Variants in RELN observed in about 807,000 individuals in gnomAD.
RELN encodes reelin.
RELN carries 108 observed loss-of-function variants against 427.6 expected under a neutral mutation model. The ratio of observed to expected loss-of-function variants is 0.25; its 90% CI spans 0.22 to 0.30. RELN has a LOEUF of 0.30. RELN is among the 10% of genes least tolerant of loss of function. The probability of loss-of-function intolerance (pLI) is 1.00; values close to 1 mark genes in which losing one functional copy is unlikely to be tolerated. For missense variants in RELN, 3,715 were observed against 4,302.8 expected, an observed-to-expected ratio of 0.86 and a Z score of 3.82; for synonymous variants, 1,524 against 1,513.4, an observed-to-expected ratio of 1.01 and a Z score of -0.16.
chr7:103,595,240 T>C (rs1831510716), intron 25 of RELN, among the ~76,000 whole-genome samples: 1 of 152,240 alleles, frequency 6.6e-6, no homozygotes, highest in South Asian at 2.1e-4. Flanking sequence ...GAAAAAATAA[T>C]TTGAGTTATT....
At chr7:103,852,976 T>A (rs1793860889) in intron 2 of RELN, among the ~76,000 whole-genome samples, 1 of 151,962 alleles carries the variant, frequency 6.6e-6, no homozygotes, top group South Asian at 2.1e-4. Context: ...TCACATGATG[T>A]ATACTACTAC....
intron 20 of RELN, among the ~76,000 whole-genome samples, chr7:103,618,790 A>G (rs117060109): frequency 0.016 from 2,431 of 152,296 alleles, 31 homozygotes; most frequent in South Asian, 0.029. Flanking sequence ...TAAAAAGCAT[A>G]AGTTGAGTTT....
chr7:103,872,044 T>TTTTTTTC (rs1794353610), intron 2 of RELN, among the ~76,000 whole-genome samples: 18 of 99,448 alleles, frequency 1.8e-4, no homozygotes, highest in Non-Finnish European at 2.5e-4. Context: ...TTCTTTTTTC[T>TTTTTTTC]TTTTTTTCTT....
chr7:103,572,298 G>T, intron 30 of RELN, 38 bp from the exon 31 acceptor site: 1 of 1,098,920 alleles, frequency 9.1e-7, no homozygotes, highest in Non-Finnish European at 1.4e-6. Flanking sequence ...ACAAACAAGA[G>T]TTCAGAAGAG....
chr7:103,746,950 A>C (rs894614472), intron 6 of RELN, among the ~76,000 whole-genome samples: 1 of 152,158 alleles, frequency 6.6e-6, no homozygotes, highest in Non-Finnish European at 1.5e-5. Context: ...TGCTGCTACA[A>C]AGACACATGC....
intron 2 of RELN, among the ~76,000 whole-genome samples, chr7:103,891,751 A>G (rs577492640): frequency 3.4e-4 from 52 of 152,094 alleles, no homozygotes; most frequent in Non-Finnish European, 6.2e-4. Context: ...ATTTTTTTCA[A>G]TAAAAATTGT....
At chr7:103,866,022 T>C (rs1794189359) in intron 2 of RELN, among the ~76,000 whole-genome samples, 1 of 152,142 alleles carries the variant, frequency 6.6e-6, no homozygotes, top group Non-Finnish European at 1.5e-5. Flanking sequence ...TCAGTTTATC[T>C]GCAAAATGAG....
At chr7:103,587,624 A>G (rs991076758) in intron 28 of RELN, among the ~76,000 whole-genome samples, 2 of 152,166 alleles carry the variant, frequency 1.3e-5, no homozygotes, top group Non-Finnish European at 2.9e-5. Flanking sequence ...GCAACTTTTC[A>G]TCCAACAAGG....
At chr7:103,552,648 G>A (rs1456965855) in intron 40 of RELN, among the ~76,000 whole-genome samples, 1 of 151,578 alleles carries the variant, frequency 6.6e-6, no homozygotes, top group Non-Finnish European at 1.5e-5. Context: ...GATTACAGGT[G>A]CGCACCACCA....
chr7:103,716,140 C>T (rs1233001150), intron 8 of RELN, among the ~76,000 whole-genome samples: 2 of 152,282 alleles, frequency 1.3e-5, no homozygotes, highest in South Asian at 2.1e-4. Flanking sequence ...TTCACAGTGA[C>T]GCCTGACCCT....
At chr7:103,754,657 T>C (rs1791089427) in intron 4 of RELN, among the ~76,000 whole-genome samples, 1 of 152,092 alleles carries the variant, frequency 6.6e-6, no homozygotes, top group African/African-American at 2.4e-5. Flanking sequence ...ACGCCTGTAG[T>C]CCTAGCTACT....
At chr7:103,852,806 G>A (rs1017761838) in intron 2 of RELN, among the ~76,000 whole-genome samples, 33 of 151,758 alleles carry the variant, frequency 2.2e-4, no homozygotes, top group African/African-American at 7.5e-4. Flanking sequence ...ATTATATATT[G>A]GTAGCAGATT....
intron 16 of RELN, among the ~76,000 whole-genome samples, chr7:103,645,097 T>C (rs1832772061): frequency 6.6e-6 from 1 of 151,794 alleles, no homozygotes; most frequent in Admixed American, 6.6e-5. Flanking sequence ...TCATTACCAC[T>C]AGACCAATCC....
chr7:103,846,540 C>CT (rs1793681983), intron 2 of RELN, among the ~76,000 whole-genome samples: 1 of 152,132 alleles, frequency 6.6e-6, no homozygotes, highest in South Asian at 2.1e-4. Context: ...GACTAAAACA[C>CT]CAAAAGCAAC....
chr7:103,559,903 T>A (rs1830605602), intron 36 of RELN, among the ~76,000 whole-genome samples: 1 of 152,210 alleles, frequency 6.6e-6, no homozygotes, highest in African/African-American at 2.4e-5. Context: ...GATTACTCTT[T>A]CCCCTTGATT....
chr7:103,554,833 G>A (rs573899085), intron 38 of RELN, among the ~76,000 whole-genome samples: 27 of 152,212 alleles, frequency 1.8e-4, no homozygotes, highest in East Asian at 7.7e-4. Flanking sequence ...ACTTAGAGCC[G>A]AGGAACACTA....
At chr7:103,577,105 G>A (rs1831021313) in intron 28 of RELN, among the ~76,000 whole-genome samples, 1 of 152,128 alleles carries the variant, frequency 6.6e-6, no homozygotes, top group South Asian at 2.1e-4. Context: ...ATAGACTTTT[G>A]AGTTAATCCA....
chr7:103,594,624 C>G, intron 25 of RELN, 132 bp from the exon 26 acceptor site: 1 of 939,862 alleles, frequency 1.1e-6, no homozygotes, highest in African/African-American at 1.6e-5. Flanking sequence ...TCCAAAAGCC[C>G]GTAAGTTTGG....
intron 22 of RELN, among the ~76,000 whole-genome samples, chr7:103,606,678 C>G (rs1584338642): frequency 6.6e-6 from 1 of 152,134 alleles, no homozygotes; most frequent in Non-Finnish European, 1.5e-5. Context: ...GGAAGGGTTT[C>G]AGAAACTTGT....
Sources: allele counts gnomAD v4.1 joint callset (sites outside exome capture counted in the v4.1 genomes callset), GRCh38; gene constraint gnomAD v4.1.1; transcripts MANE v1.5; gene names NCBI Gene and HGNC (gene_info 2026-07-23, HGNC 2026-07-21).